Variants in SPATA17 observed in about 807,000 individuals in gnomAD.
The protein encoded by SPATA17 is spermatogenesis associated 17, also known as spermatogenesis-associated protein 17.
A neutral mutation model predicts 62.2 loss-of-function variants in SPATA17; 53 were observed. The observed-to-expected ratio is 0.85, with a 90% CI of 0.68 to 1.07. The LOEUF (loss-of-function observed/expected upper bound fraction) is 1.07. SPATA17 is among the 50% of genes least tolerant of loss of function. SPATA17 has a pLI of 0.00. For synonymous variants in SPATA17, 146 were observed against 146.8 expected, an observed-to-expected ratio of 0.99 and a Z score of 0.04; for missense variants, 466 against 425.5, an observed-to-expected ratio of 1.10 and a Z score of -0.84.
intron 9 of SPATA17, among the ~76,000 whole-genome samples, chr1:217,812,272 C>T (rs1674608661): frequency 6.6e-6 from 1 of 152,146 alleles, no homozygotes; most frequent in African/African-American, 2.4e-5. Context: ...CCTCTCATCA[C>T]ATTCATATTA....
chr1:217,764,337 T>C (rs561120819), intron 6 of SPATA17, among the ~76,000 whole-genome samples: 12 of 152,338 alleles, frequency 7.9e-5, no homozygotes, highest in African/African-American at 2.9e-4. Context: ...GTTGGAGTCA[T>C]ACAGCCTTTT....
At chr1:217,726,613 T>G (rs1314959779) in intron 5 of SPATA17, among the ~76,000 whole-genome samples, 1 of 152,208 alleles carries the variant, frequency 6.6e-6, no homozygotes, top group Non-Finnish European at 1.5e-5. Context: ...TGGCAGATAT[T>G]CTTCATTCAT....
intron 6 of SPATA17, among the ~76,000 whole-genome samples, chr1:217,762,848 T>C (rs1412520184): frequency 6.6e-6 from 1 of 152,174 alleles, no homozygotes; most frequent in Non-Finnish European, 1.5e-5. Flanking sequence ...GGTGTGTACT[T>C]GTATTCCCAG....
intron 5 of SPATA17, among the ~76,000 whole-genome samples, chr1:217,700,887 T>C (rs1032952513): frequency 9.9e-5 from 15 of 151,628 alleles, no homozygotes; most frequent in African/African-American, 3.6e-4. Context: ...ATTACGGTTA[T>C]GAGGCACCGC....
At chr1:217,658,829 C>T (rs1276037796) in intron 3 of SPATA17, among the ~76,000 whole-genome samples, 1 of 152,044 alleles carries the variant, frequency 6.6e-6, no homozygotes, top group Non-Finnish European at 1.5e-5. Flanking sequence ...TTATAGTATG[C>T]AAAATAGACC....
chr1:217,761,582 T>C (rs1673173977), intron 6 of SPATA17, among the ~76,000 whole-genome samples: 1 of 152,072 alleles, frequency 6.6e-6, no homozygotes, highest in South Asian at 2.1e-4. Flanking sequence ...TCTTGAGAGG[T>C]TGCAGATAAA....
At chr1:217,669,574 A>G (rs541877053) in intron 4 of SPATA17, among the ~76,000 whole-genome samples, 10 of 152,296 alleles carry the variant, frequency 6.6e-5, no homozygotes, top group African/African-American at 2.2e-4. Flanking sequence ...GAATTTAGCA[A>G]TTATGGAGCT....
intron 3 of SPATA17, among the ~76,000 whole-genome samples, chr1:217,666,508 C>T (rs977128753): frequency 2.0e-5 from 3 of 150,460 alleles, no homozygotes; most frequent in South Asian, 2.1e-4. Context: ...TATGGAAATG[C>T]GGTTCACATT....
intron 5 of SPATA17, among the ~76,000 whole-genome samples, chr1:217,717,248 G>A (rs1372182236): frequency 1.3e-5 from 2 of 152,052 alleles, no homozygotes; most frequent in Non-Finnish European, 2.9e-5. Flanking sequence ...GACATTAGAA[G>A]GATATTAAAA....
intron 9 of SPATA17, among the ~76,000 whole-genome samples, chr1:217,842,643 A>C (rs1435950639): frequency 6.6e-6 from 1 of 151,892 alleles, no homozygotes; most frequent in African/African-American, 2.4e-5. Context: ...CTTTTTATTC[A>C]TGGATATTGA....
At position 217,650,749 on chromosome 1, in the gene SPATA17, T is replaced by G. The variant is rs113273003; in HGVS notation, c.159-348T>G. Among the ~76,000 whole-genome samples the G allele has an allele frequency of 3.8e-4, 58 of 152,356 alleles. 1 individual carries two copies. Among genetic ancestry groups the G allele is most frequent in the African/African-American group, 1.2e-3 (51 of 41,590 alleles). ...CTCATGAATTATTTCTAATTGCTAATAATGATTTACATCAATAGTGCCTGG... is the reference window on the plus strand; with the variant it reads ...CTCATGAATTATTTCTAATTGCTAAGAATGATTTACATCAATAGTGCCTGG... On this transcript the variant is annotated intron_variant, in intron 2 of 10. Coordinates refer to ENST00000366933, the MANE Select transcript of SPATA17 (RefSeq NM_138796.4).
chr1:217,644,384 G>A (rs1419807378), intron 1 of SPATA17, among the ~76,000 whole-genome samples: 1 of 152,138 alleles, frequency 6.6e-6, no homozygotes, highest in Non-Finnish European at 1.5e-5. Flanking sequence ...AGACGTAGTA[G>A]TGAAATTATA....
intron 5 of SPATA17, among the ~76,000 whole-genome samples, chr1:217,704,243 T>C (rs1195505353): frequency 8.4e-6 from 1 of 118,756 alleles, no homozygotes; most frequent in Admixed American, 8.7e-5. Context: ...TTTTTTTTTT[T>C]TTTTTTTTTT....
intron 6 of SPATA17, among the ~76,000 whole-genome samples, chr1:217,756,086 C>T (rs1416941550): frequency 6.6e-5 from 10 of 151,990 alleles, no homozygotes; most frequent in South Asian, 2.1e-4. Context: ...GTTTCTCATA[C>T]CAAAGTAGGC....
chr1:217,696,136 A>G (rs1671451260), intron 5 of SPATA17, among the ~76,000 whole-genome samples: 1 of 152,188 alleles, frequency 6.6e-6, no homozygotes, highest in Non-Finnish European at 1.5e-5. Context: ...TGTGCTAGCA[A>G]TCAGCGAGAT....
Position 217,868,560 on chromosome 1 carries a change from T to C in SPATA17, c.*1541T>C, listed in dbSNP as rs1461471359. Reference sequence around the variant, plus strand: ...TTATAATATTGAACAGCCCATGTAATTTATTGAATATTGTACTAAAAGTGA... The same window carrying C: ...TTATAATATTGAACAGCCCATGTAACTTATTGAATATTGTACTAAAAGTGA... On this transcript the variant is annotated 3_prime_UTR_variant, in exon 11 of 11. Coordinates refer to ENST00000366933, the MANE Select transcript of SPATA17 (RefSeq NM_138796.4). The C allele has an allele frequency of 6.6e-6, 1 of 151,944 alleles. No individual in the cohort carries two copies. Among genetic ancestry groups the C allele is most frequent in the East Asian group, 1.9e-4 (1 of 5,188 alleles). 9.4% of individuals were successfully genotyped at this position (151,944 alleles called of 1,614,324 possible). A position where few individuals can be genotyped will look rare whatever the true frequency, so the allele number is the denominator to read the frequency against.
rs760486830 is a variant in SPATA17 at position 217,631,464 on chromosome 1, G to T, written c.68+18G>T. On this transcript the variant is annotated intron_variant, in intron 1 of 10. Coordinates refer to ENST00000366933, the MANE Select transcript of SPATA17 (RefSeq NM_138796.4). ...AGGAACAGGTAAGTCAGGAAGAGAA[G>T]GATCGCGTAAAGGGCGGGCGTGACT... 6.2e-7 allele frequency: 1 copy of T among 1,613,932 alleles called. No homozygotes were observed. The highest frequency in any genetic ancestry group is 1.3e-5 in the African/African-American group (1 of 75,042).
intron 1 of SPATA17, among the ~76,000 whole-genome samples, chr1:217,635,631 G>A (rs1036083410): frequency 6.6e-6 from 1 of 152,060 alleles, no homozygotes; most frequent in Non-Finnish European, 1.5e-5. Context: ...TTGAACCCAG[G>A]AGGCAGAGGT....
In SPATA17 at chr1:217,704,336, C is replaced by T. The variant is rs557473812; in HGVS notation, c.395+20975C>T. Among the ~76,000 whole-genome samples, 823 of 144,880 alleles carry T rather than the reference C, an allele frequency of 5.7e-3. 6 individuals carry two copies. The highest frequency in any genetic ancestry group is 0.019 in the African/African-American group (758 of 39,880). On this transcript the variant is annotated intron_variant, in intron 5 of 10. Coordinates refer to ENST00000366933, the MANE Select transcript of SPATA17 (RefSeq NM_138796.4). ...CGCAATCTCGGCTCACTGCAAGCTC[C>T]GCTTCCCGGGTTCACGCCATTCTCC...
Sources: gnomAD v4.1 joint callset for allele counts (sites outside exome capture counted in the v4.1 genomes callset) on GRCh38, gnomAD v4.1.1 for gene constraint, MANE v1.5 for transcripts, NCBI Gene and HGNC (gene_info 2026-07-23, HGNC 2026-07-21) for gene names.